The following MAGI2 variants were observed in gnomAD, a reference collection of about 807,000 sequenced individuals.
MAGI2 encodes the protein membrane-associated guanylate kinase, WW and PDZ domain-containing protein 2.
Under a neutral mutation model 133.3 loss-of-function variants are expected in MAGI2, and 35 were observed. The ratio of observed to expected loss-of-function variants is 0.26; its 90% CI spans 0.20 to 0.35. The LOEUF (loss-of-function observed/expected upper bound fraction) is 0.35. MAGI2 is among the 10% of genes least tolerant of loss of function. The pLI is 1.00. For missense variants in MAGI2, 1,636 were observed against 1,863.4 expected (o/e 0.88, Z 2.25); for synonymous variants, 729 against 710.6 (o/e 1.03, Z -0.41).
At chr7:78,698,390 T>C (rs1400400842) in intron 2 of MAGI2, among the ~76,000 whole-genome samples, 1 of 152,204 alleles carries the variant, frequency 6.6e-6, no homozygotes, top group Non-Finnish European at 1.5e-5. Flanking sequence ...ACACAGTTTA[T>C]TCCGCATCCC....
At chr7:78,298,577 C>G (rs189486342) in intron 9 of MAGI2, among the ~76,000 whole-genome samples, 1 of 152,154 alleles carries the variant, frequency 6.6e-6, no homozygotes, top group Non-Finnish European at 1.5e-5. Flanking sequence ...GATCTCTGCT[C>G]ACTGCAACCT....
chr7:78,970,223 C>T (rs984478708), intron 2 of MAGI2, among the ~76,000 whole-genome samples: 2 of 152,060 alleles, frequency 1.3e-5, no homozygotes, highest in Non-Finnish European at 2.9e-5. Context: ...TTATAAATCA[C>T]TAATGAATAT....
rs1048137935 is a variant in MAGI2 at position 78,957,481 on chromosome 7, A to G, written c.418+49609T>C. Among the ~76,000 whole-genome samples the G allele has an allele frequency of 5.3e-5, 8 of 152,218 alleles. No individual in the cohort carries two copies. The South Asian group carries it at 1.2e-3, about 24-fold the overall frequency. On this transcript the variant is annotated intron_variant, in intron 2 of 21. Coordinates refer to ENST00000354212, the MANE Select transcript of MAGI2 (RefSeq NM_012301.4). ...ACTAATAATTCAGACTGATAAATTT[A>G]CTATATGTAATCGTAAGTACATACA...
chr7:79,368,440 G>T (rs1461906347), intron 1 of MAGI2, among the ~76,000 whole-genome samples: 2 of 152,128 alleles, frequency 1.3e-5, no homozygotes, highest in African/African-American at 2.4e-5. Context: ...ACATGAGTGG[G>T]TTAGTGTTAT....
chr7:78,271,835 TTC>T (rs1794610671), intron 9 of MAGI2, among the ~76,000 whole-genome samples: 1 of 152,202 alleles, frequency 6.6e-6, no homozygotes, highest in Admixed American at 6.5e-5. Context: ...TATTTGATTC[TTC>T]TCTCTTTTCT....
chr7:78,271,304 C>T (rs541591791), intron 9 of MAGI2, among the ~76,000 whole-genome samples: 22 of 152,190 alleles, frequency 1.4e-4, no homozygotes, highest in East Asian at 9.7e-4. Flanking sequence ...GGGATGAAGC[C>T]GACTTGATCG....
chr7:78,301,778 T>C (rs541662419), intron 9 of MAGI2, among the ~76,000 whole-genome samples: 55 of 152,368 alleles, frequency 3.6e-4, no homozygotes, highest in African/African-American at 1.3e-3. Context: ...TTCATTTTTC[T>C]ATGCTTGTAC....
chr7:78,445,017 T>C (rs915287313), intron 6 of MAGI2, among the ~76,000 whole-genome samples: 5 of 151,716 alleles, frequency 3.3e-5, no homozygotes, highest in Non-Finnish European at 7.4e-5. Flanking sequence ...TCTTGATACA[T>C]TGGCTCTATC....
In MAGI2 at chr7:78,387,235, T is replaced by C. The variant is rs535663496; in HGVS notation, c.1046-18022A>G. Among the ~76,000 whole-genome samples the C allele has an allele frequency of 2.6e-5, 4 of 152,226 alleles. No homozygotes were observed. In the South Asian group the frequency reaches 6.2e-4, roughly 24 times the overall value. On this transcript the variant is annotated intron_variant, in intron 6 of 21. Transcript: ENST00000354212. Reference sequence around the variant, plus strand: ...AATGTGTGACATTCATGCACCTTGATTGGGGGTAAGATTTGGAGGTGAGGA... The same window carrying C: ...AATGTGTGACATTCATGCACCTTGACTGGGGGTAAGATTTGGAGGTGAGGA...
chr7:78,395,682 G>C (rs1162146599), intron 6 of MAGI2, among the ~76,000 whole-genome samples: 4 of 152,148 alleles, frequency 2.6e-5, no homozygotes, highest in African/African-American at 9.7e-5. Context: ...TACTCTAAGA[G>C]AAAGGTTCTA....
chr7:79,437,046 G>C (rs1301429635), intron 1 of MAGI2, among the ~76,000 whole-genome samples: 10 of 152,134 alleles, frequency 6.6e-5, no homozygotes, highest in Non-Finnish European at 1.5e-4. Flanking sequence ...GTTCTCTGCA[G>C]CAACATGGAT....
At chr7:78,470,726 G>A (rs941246765) in intron 6 of MAGI2, among the ~76,000 whole-genome samples, 10 of 152,106 alleles carry the variant, frequency 6.6e-5, no homozygotes, top group East Asian at 1.9e-4. Flanking sequence ...ACATAGAGAA[G>A]TGATAATTTT....
intron 2 of MAGI2, among the ~76,000 whole-genome samples, chr7:78,643,147 T>A (rs544954954): frequency 6.6e-6 from 1 of 152,300 alleles, no homozygotes; most frequent in East Asian, 1.9e-4. Context: ...CTATTACATA[T>A]CAATTTGAAA....
chr7:78,897,522 T>A (rs565501438), intron 2 of MAGI2, among the ~76,000 whole-genome samples: 1 of 152,376 alleles, frequency 6.6e-6, no homozygotes, highest in African/African-American at 2.4e-5. Context: ...TTAAATCATA[T>A]GAACTTATAA....
chr7:78,945,361 C>T (rs1584468424), intron 2 of MAGI2, among the ~76,000 whole-genome samples: 1 of 152,032 alleles, frequency 6.6e-6, no homozygotes, highest in African/African-American at 2.4e-5. Context: ...ACGCCTGGCC[C>T]TCTTTATTTT....
At chr7:78,357,572 G>C (rs1298864855) in intron 7 of MAGI2, among the ~76,000 whole-genome samples, 1 of 152,044 alleles carries the variant, frequency 6.6e-6, no homozygotes, top group African/African-American at 2.4e-5. Flanking sequence ...AGAATGGAGG[G>C]GCCCTGTCAA....
chr7:78,240,939 G>A (rs1040254535), intron 10 of MAGI2, among the ~76,000 whole-genome samples: 12 of 152,090 alleles, frequency 7.9e-5, no homozygotes, highest in Non-Finnish European at 1.6e-4. Flanking sequence ...GGAAAAAAAA[G>A]AACTGTCTTC....
At chr7:79,168,810 A>T (rs1269473819) in intron 1 of MAGI2, among the ~76,000 whole-genome samples, 1 of 151,150 alleles carries the variant, frequency 6.6e-6, no homozygotes, top group African/African-American at 2.4e-5. Flanking sequence ...CCCCTAAGTC[A>T]GATGGACCCT....
At chr7:78,292,092 G>A (rs1183087204) in intron 9 of MAGI2, among the ~76,000 whole-genome samples, 1 of 152,244 alleles carries the variant, frequency 6.6e-6, no homozygotes, top group African/African-American at 2.4e-5. Context: ...GGGCAATCAG[G>A]CAGGAGAAAG....
Sources: gnomAD v4.1 joint callset for allele counts (sites outside exome capture counted in the v4.1 genomes callset) on GRCh38, gnomAD v4.1.1 for gene constraint, MANE v1.5 for transcripts, NCBI Gene and HGNC (gene_info 2026-07-23, HGNC 2026-07-21) for gene names.